TRAF3IP1: variants seen among roughly 807,000 people sequenced by gnomAD.
TRAF3IP1 encodes the protein TRAF3-interacting protein 1.
A neutral mutation model predicts 89.9 loss-of-function variants in TRAF3IP1; 53 were observed. That is an observed-to-expected ratio of 0.59 (90% CI 0.47 to 0.74). The LOEUF is 0.74. Ranked by LOEUF, TRAF3IP1 falls within the 30% of genes least tolerant of loss-of-function variation. The pLI is 0.00. For synonymous variants in TRAF3IP1, 311 were observed against 322.1 expected, an observed-to-expected ratio of 0.97 and a Z score of 0.37; for missense variants, 806 against 866.1, an observed-to-expected ratio of 0.93 and a Z score of 0.87.
chr2:238,328,600 C>T, intron 3 of TRAF3IP1, 86 bp from the exon 4 acceptor site: 2 of 1,454,924 alleles, frequency 1.4e-6, no homozygotes, highest in Non-Finnish European at 1.9e-6. Flanking sequence ...GTCTCATGAG[C>T]TATCTTTGAA....
chr2:238,356,840 A>G (rs1018426283), intron 15 of TRAF3IP1, among the ~76,000 whole-genome samples: 5 of 149,068 alleles, frequency 3.4e-5, no homozygotes, highest in African/African-American at 1.2e-4. Context: ...GAGCAGTGGC[A>G]TGATCTCGGC....
intron 15 of TRAF3IP1, among the ~76,000 whole-genome samples, chr2:238,371,904 G>A (rs956077859): frequency 9.2e-5 from 14 of 152,044 alleles, no homozygotes; most frequent in Non-Finnish European, 1.6e-4. Flanking sequence ...ATTTCTATTG[G>A]GCAGCATTGG....
At chr2:238,395,310 T>C (rs551376482) in intron 15 of TRAF3IP1, among the ~76,000 whole-genome samples, 23 of 152,294 alleles carry the variant, frequency 1.5e-4, no homozygotes, top group African/African-American at 5.5e-4. Context: ...TAAATGGTGC[T>C]GGGAAAACTG....
intron 15 of TRAF3IP1, among the ~76,000 whole-genome samples, chr2:238,381,408 C>T (rs775320696): frequency 2.2e-4 from 34 of 152,154 alleles, no homozygotes; most frequent in African/African-American, 7.0e-4. Context: ...GCATGGGTGG[C>T]GGGTGGGGTG....
At chr2:238,363,829 G>A (rs1699760702) in intron 15 of TRAF3IP1, among the ~76,000 whole-genome samples, 1 of 152,112 alleles carries the variant, frequency 6.6e-6, no homozygotes, top group Non-Finnish European at 1.5e-5. Flanking sequence ...ACATGGTGGT[G>A]TGTGCCTGTA....
intron 15 of TRAF3IP1, among the ~76,000 whole-genome samples, chr2:238,391,677 C>G (rs1371232121): frequency 1.3e-5 from 2 of 152,130 alleles, no homozygotes; most frequent in Non-Finnish European, 2.9e-5. Context: ...TCTGCTTGGT[C>G]CTGTGCAATA....
intron 6 of TRAF3IP1, 73 bp downstream of exon 6, chr2:238,332,968 C>T: frequency 1.8e-6 from 2 of 1,127,388 alleles, no homozygotes; most frequent in Admixed American, 1.8e-5. Flanking sequence ...CTGTGCGCTC[C>T]CCGGGTCCAC....
intron 3 of TRAF3IP1, among the ~76,000 whole-genome samples, chr2:238,327,831 T>C (rs1370866376): frequency 6.6e-6 from 1 of 152,184 alleles, no homozygotes; most frequent in Non-Finnish European, 1.5e-5. Flanking sequence ...AGTGGGGTCA[T>C]AGAGTGTTTG....
chr2:238,375,249 T>G (rs185412391), intron 15 of TRAF3IP1, among the ~76,000 whole-genome samples: 2 of 152,348 alleles, frequency 1.3e-5, no homozygotes, highest in East Asian at 3.9e-4. Context: ...TCTTTCCTGC[T>G]TTTTCTTGTG....
intron 14 of TRAF3IP1, 48 bp from the exon 15 acceptor site, chr2:238,355,956 T>G: frequency 7.0e-7 from 1 of 1,426,076 alleles, no homozygotes; most frequent in Non-Finnish European, 9.8e-7. Context: ...AATAGGTTTT[T>G]GGGATAGAGA....
At chr2:238,385,079 G>T (rs1275597505) in intron 15 of TRAF3IP1, among the ~76,000 whole-genome samples, 3 of 151,648 alleles carry the variant, frequency 2.0e-5, no homozygotes, top group African/African-American at 7.3e-5. Context: ...GCAATGGTGC[G>T]ATCTCGGCTC....
At chr2:238,332,713 T>G (rs1698188480) in intron 5 of TRAF3IP1, 111 bp from the exon 6 acceptor site, 1 of 788,948 alleles carries the variant, frequency 1.3e-6, no homozygotes, top group Non-Finnish European at 2.1e-6. Context: ...GGTGTTCTCA[T>G]GGGAAGAATG....
rs762268229 is a variant in TRAF3IP1 at position 238,329,095 on chromosome 2, G to A, written c.668G>A (p.Arg223Gln). The A allele has an allele frequency of 1.2e-5, 19 of 1,551,012 alleles. No individual in the cohort carries two copies. The highest frequency in any genetic ancestry group is 5.9e-5 in the South Asian group (5 of 84,048). Reference sequence around the variant, plus strand: ...GGGGAGAGAGAGAGAGCCAAAGCCCGGGCCAGGCCAGACAACGAGCGACAG... The same window carrying A: ...GGGGAGAGAGAGAGAGCCAAAGCCCAGGCCAGGCCAGACAACGAGCGACAG... The part of the protein sequence containing the change: ...REGERERAKA[R>Q]ARPDNERQKD... Residue 223 changes from arginine (R) to glutamine (Q), a missense_variant, in exon 5 of 17, where the codon CGG becomes CAG. By Grantham distance (43) the Arg-to-Gln change is conservative. Transcript: ENST00000373327.
chr2:238,325,225 C>T, intron 1 of TRAF3IP1, 81 bp from the exon 2 acceptor site: 1 of 1,347,640 alleles, frequency 7.4e-7, no homozygotes, highest in Non-Finnish European at 1.1e-6. Flanking sequence ...CTGACATCTC[C>T]CAAGTGTGGA....
At chr2:238,354,061 A>G (rs555241286) in intron 14 of TRAF3IP1, among the ~76,000 whole-genome samples, 21 of 152,358 alleles carry the variant, frequency 1.4e-4, no homozygotes, top group African/African-American at 5.1e-4. Flanking sequence ...GGCATGGGCC[A>G]CTGTGCCCAG....
At chr2:238,373,940 T>C (rs960218717) in intron 15 of TRAF3IP1, among the ~76,000 whole-genome samples, 3 of 152,214 alleles carry the variant, frequency 2.0e-5, no homozygotes, top group African/African-American at 4.8e-5. Flanking sequence ...TGTCTGTTAA[T>C]GGTGTATAGG....
intron 15 of TRAF3IP1, among the ~76,000 whole-genome samples, chr2:238,378,811 C>T (rs1041027572): frequency 6.6e-6 from 1 of 152,202 alleles, no homozygotes; most frequent in Non-Finnish European, 1.5e-5. Context: ...CCCCAGGCCC[C>T]AGGCTGCTGG....
intron 7 of TRAF3IP1, among the ~76,000 whole-genome samples, chr2:238,336,066 A>G (rs993555198): frequency 6.6e-6 from 1 of 152,110 alleles, no homozygotes; most frequent in African/African-American, 2.4e-5. Context: ...TGCTGGGATT[A>G]CAGCTGTAAG....
At chr2:238,353,243 A>C in intron 14 of TRAF3IP1, 34 bp downstream of exon 14, 1 of 1,612,378 alleles carries the variant, frequency 6.2e-7, no homozygotes, top group Non-Finnish European at 8.5e-7. Flanking sequence ...ATGTATGTCC[A>C]TGTGTGTGTG....
Sources: allele counts gnomAD v4.1 joint callset (sites outside exome capture counted in the v4.1 genomes callset), GRCh38; gene constraint gnomAD v4.1.1; transcripts MANE v1.5; gene names NCBI Gene and HGNC (gene_info 2026-07-23, HGNC 2026-07-21).